CPA4: variants seen among roughly 807,000 people sequenced by gnomAD.
The protein encoded by CPA4 is carboxypeptidase A3.
Under a neutral mutation model 54.7 loss-of-function variants are expected in CPA4, and 49 were observed. The ratio of observed to expected loss-of-function variants is 0.90; its 90% confidence interval spans 0.71 to 1.14. The LOEUF (loss-of-function observed/expected upper bound fraction) is 1.14. Among genes scored for constraint, CPA4 ranks in the 50% most tolerant of loss-of-function variants. The pLI, the probability that CPA4 is intolerant of heterozygous loss-of-function variation, is 0.00. For missense variants in CPA4, 487 were observed against 525.1 expected (o/e 0.93, Z 0.71); for synonymous variants, 215 against 206.8 (o/e 1.04, Z -0.34).
Position 130,298,726 on chromosome 7 carries a change from C to G in CPA4, c.69-20C>G, listed in dbSNP as rs749903952. The G allele has an allele frequency of 1.3e-6, 2 of 1,519,722 alleles. No individual in the cohort carries two copies. Among genetic ancestry groups the G allele is most frequent in the East Asian group, 2.3e-5 (1 of 44,432 alleles). The allele number at this position is 1,519,722 out of a possible 1,614,324, so 94.1% of individuals were successfully genotyped here. ...TCATCATTATCTTTTGCTCTTTTTT[C>G]CTTTTCGCTTCTTCCCCAGGGACCA... On this transcript the variant is annotated intron_variant, in intron 1 of 10. Transcript: ENST00000222482.
chr7:130,297,128 A>T (rs1364489986), intron 1 of CPA4, among the ~76,000 whole-genome samples: 1 of 151,520 alleles, frequency 6.6e-6, no homozygotes. Flanking sequence ...ATTGTTTTTC[A>T]TTTTTTTGTA....
chr7:130,313,377 T>A (rs1004443349), intron 10 of CPA4, among the ~76,000 whole-genome samples: 2 of 152,228 alleles, frequency 1.3e-5, no homozygotes, highest in African/African-American at 4.8e-5. Flanking sequence ...TTTAGCTTTT[T>A]AGCCCTTTTT....
chr7:130,308,748 T>C (rs1793867106), intron 8 of CPA4, among the ~76,000 whole-genome samples: 1 of 145,448 alleles, frequency 6.9e-6, no homozygotes, highest in Non-Finnish European at 1.5e-5. Context: ...AGATGGGGTT[T>C]CACCATGTTG....
chr7:130,295,865 G>A (rs1034825170), intron 1 of CPA4, among the ~76,000 whole-genome samples: 1 of 152,196 alleles, frequency 6.6e-6, no homozygotes, highest in African/African-American at 2.4e-5. Flanking sequence ...TGCAATCCCA[G>A]CTACTTGGGA....
chr7:130,309,605 T>C (rs1262095257), intron 8 of CPA4, among the ~76,000 whole-genome samples: 1 of 152,190 alleles, frequency 6.6e-6, no homozygotes, highest in Non-Finnish European at 1.5e-5. Context: ...TTTATTCTTC[T>C]CACCTAGCGA....
At chr7:130,322,321 T>G (rs932461428) in intron 10 of CPA4, among the ~76,000 whole-genome samples, 168 bp from the exon 11 acceptor site, 1 of 152,182 alleles carries the variant, frequency 6.6e-6, no homozygotes, top group Admixed American at 6.5e-5. Flanking sequence ...CAATGCAGGA[T>G]GTCCTGAGAC....
chr7:130,317,266 G>A (rs1794003769), intron 10 of CPA4, among the ~76,000 whole-genome samples: 1 of 152,232 alleles, frequency 6.6e-6, no homozygotes, highest in South Asian at 2.1e-4. Flanking sequence ...GTTCAGTACA[G>A]TAACATGCTG....
intron 10 of CPA4, among the ~76,000 whole-genome samples, chr7:130,321,909 T>C (rs1158192320): frequency 6.6e-6 from 1 of 152,182 alleles, no homozygotes; most frequent in African/African-American, 2.4e-5. Context: ...GCTTGCATTT[T>C]TCATTCACTA....
At chr7:130,298,120 G>A (rs1793679064) in intron 1 of CPA4, among the ~76,000 whole-genome samples, 1 of 152,146 alleles carries the variant, frequency 6.6e-6, no homozygotes. Context: ...TCTGTGTGGG[G>A]TTCTGGAGCT....
chr7:130,294,525 G>A lies in CPA4; in HGVS notation c.68+1277G>A, dbSNP rs62489503. Among the ~76,000 whole-genome samples the A allele has an allele frequency of 4.6e-3, 702 of 152,322 alleles. 3 individuals carry two copies. Among genetic ancestry groups the A allele is most frequent in the Non-Finnish European group, 7.2e-3 (491 of 68,016 alleles). ...TAGACTTGCTGCCGTGTGGGCTGACGCATGGAACTGTCAGGCTCCCACTGC... is the reference window on the plus strand; with the variant it reads ...TAGACTTGCTGCCGTGTGGGCTGACACATGGAACTGTCAGGCTCCCACTGC... On this transcript the variant is annotated intron_variant, in intron 1 of 10. Coordinates refer to ENST00000222482, the MANE Select transcript of CPA4 (RefSeq NM_016352.4).
Position 130,322,561 on chromosome 7 carries a change from G to C in CPA4, c.1151G>C (p.Arg384Thr). The C allele has an allele frequency of 2.5e-6, 4 of 1,614,162 alleles. No individual in the cohort carries two copies. Among genetic ancestry groups the C allele is most frequent in the Non-Finnish European group, 3.4e-6 (4 of 1,180,004 alleles). The change falls in exon 11 of 11, where the codon AGA becomes ACA. Residue 384 changes from arginine to threonine, a missense_variant. Physicochemically the swap from Arg to Thr is moderately conservative, Grantham distance 71. Coordinates refer to ENST00000222482, the MANE Select transcript of CPA4 (RefSeq NM_016352.4). ...GIKFAFTFEL[R>T]DTGTYGFLLP... ...AAATTTGCATTCACATTTGAGTTGAGAGATACCGGGACCTATGGCTTCCTC... is the reference window on the plus strand; with the variant it reads ...AAATTTGCATTCACATTTGAGTTGACAGATACCGGGACCTATGGCTTCCTC...
rs1286129515 is a variant in CPA4, at chr7:130,304,472, C to T, written c.385-6C>T. On this transcript the variant is annotated splice_polypyrimidine_tract_variant and splice_region_variant and intron_variant, in intron 4 of 10. Coordinates refer to ENST00000222482, the MANE Select transcript of CPA4 (RefSeq NM_016352.4). ...ATGTCCCTGGATTCACTCTTTCATG[C>T]TTCAGATTTACCACGAGATGGACAA... is the stretch of plus-strand genomic sequence containing the variant. 1.3e-6 allele frequency: 2 copies of T among 1,568,666 alleles called. No homozygotes were observed. Among genetic ancestry groups the T allele is most frequent in the Middle Eastern group, 3.4e-4 (2 of 5,960 alleles).
rs758740884 is a variant in CPA4, at chr7:130,298,844, A to G, written c.150+17A>G. ...AACTTGAAGGTACCTGGTTCTTTTT[A>G]GCTCTCCTGAGTGTTTTCTAACTTT... On this transcript the variant is annotated intron_variant, in intron 2 of 10. Coordinates refer to ENST00000222482, the MANE Select transcript of CPA4 (RefSeq NM_016352.4). 3.4e-6 allele frequency: 5 copies of G among 1,471,396 alleles called. No homozygotes were observed. The South Asian group carries it at 5.7e-5, about 17-fold the overall frequency. The allele number at this position is 1,471,396 out of a possible 1,614,324, so 91.1% of individuals were successfully genotyped here. A position where few individuals can be genotyped will look rare whatever the true frequency, so the allele number is the denominator to read the frequency against.
In CPA4 at chr7:130,308,356, T is replaced by C. The variant is rs1169946864; in HGVS notation, c.752T>C (p.Ile251Thr). 1.2e-6 allele frequency: 2 copies of C among 1,614,024 alleles called. No individual in the cohort carries two copies. Among genetic ancestry groups the C allele is most frequent in the Non-Finnish European group, 1.7e-6 (2 of 1,180,020 alleles). Reference protein sequence around the residue: ...TRSRNPGSSCIGADPNRNWNA... With the variant: ...TRSRNPGSSCTGADPNRNWNA... ...TCCCGAAATCCTGGAAGCTCCTGCA[T>C]TGGTGCTGACCCAAATAGAAACTGG... is the stretch of plus-strand genomic sequence containing the variant. Residue 251 changes from isoleucine (I) to threonine (T), a missense_variant, in exon 8 of 11, where the codon ATT (isoleucine) becomes ACT (threonine). Physicochemically the swap from Ile to Thr is moderately conservative, Grantham distance 89. Transcript: ENST00000222482.
At chr7:130,320,134 C>T (rs948777578) in intron 10 of CPA4, among the ~76,000 whole-genome samples, 1 of 152,146 alleles carries the variant, frequency 6.6e-6, no homozygotes, top group Non-Finnish European at 1.5e-5. Context: ...GGTGCATTCA[C>T]ACAATGCAGC....
At chr7:130,304,449 G>A in intron 4 of CPA4, 29 bp from the exon 5 acceptor site, 1 of 1,318,288 alleles carries the variant, frequency 7.6e-7, no homozygotes, top group Non-Finnish European at 1.1e-6. Flanking sequence ...TTTTTAAAAT[G>A]TCCCTGGATT....
chr7:130,319,660 G>A (rs1192708467), intron 10 of CPA4, among the ~76,000 whole-genome samples: 1 of 152,212 alleles, frequency 6.6e-6, no homozygotes, highest in African/African-American at 2.4e-5. Flanking sequence ...GGGGAGGTGG[G>A]AGGCAGATAT....
At chr7:130,300,939 A>G in intron 4 of CPA4, 25 bp downstream of exon 4, 3 of 1,483,724 alleles carry the variant, frequency 2.0e-6, no homozygotes, top group Non-Finnish European at 2.8e-6. Context: ...GTGGGTTAAG[A>G]TCAAGGTTCT....
Position 130,306,769 on chromosome 7 carries a change from C to A in CPA4, c.592-18C>A. The A allele has an allele frequency of 7.0e-7, 1 of 1,420,960 alleles. No individual in the cohort carries two copies. The highest frequency in any genetic ancestry group is 1.0e-6 in the Non-Finnish European group (1 of 1,004,450). The allele number at this position is 1,420,960 out of a possible 1,614,324, so 88.0% of individuals were successfully genotyped here. On this transcript the variant is annotated intron_variant, in intron 6 of 10. Coordinates refer to ENST00000222482, the MANE Select transcript of CPA4 (RefSeq NM_016352.4). ...ATCCTGCCATGGGATAGCTGACAAG[C>A]ATATTGTCTCTGCTTAGATTGTATC...
Sources: allele counts gnomAD v4.1 joint callset (sites outside exome capture counted in the v4.1 genomes callset), GRCh38; gene constraint gnomAD v4.1.1; transcripts MANE v1.5; gene names NCBI Gene and HGNC (gene_info 2026-07-23, HGNC 2026-07-21).